MACROD2: variants seen among roughly 807,000 people sequenced by gnomAD.
The protein encoded by MACROD2 is mono-ADP ribosylhydrolase 2, also known as ADP-ribose glycohydrolase MACROD2.
In MACROD2, 36 loss-of-function variants were observed where a neutral mutation model predicts 70.4. The ratio of observed to expected loss-of-function variants is 0.51; its 90% CI spans 0.39 to 0.68. MACROD2 has a LOEUF of 0.68. MACROD2 is among the 30% of genes least tolerant of loss of function. MACROD2 has a pLI of 0.00. For synonymous variants in MACROD2, 172 were observed against 178.8 expected, an observed-to-expected ratio of 0.96 and a Z score of 0.30; for missense variants, 496 against 538.4, an observed-to-expected ratio of 0.92 and a Z score of 0.78.
At chr20:14,871,091 A>G (rs938575094) in intron 5 of MACROD2, among the ~76,000 whole-genome samples, 5 of 152,168 alleles carry the variant, frequency 3.3e-5, no homozygotes, top group South Asian at 4.1e-4. Context: ...CTTGGAAAAC[A>G]TATTTCAATA....
intron 3 of MACROD2, among the ~76,000 whole-genome samples, chr20:14,484,901 C>A (rs2123082133): frequency 6.6e-6 from 1 of 152,302 alleles, no homozygotes; most frequent in South Asian, 2.1e-4. Flanking sequence ...GCAACAAATA[C>A]AAAAGTGCAG....
chr20:15,307,582 T>C (rs2146140005), intron 6 of MACROD2, among the ~76,000 whole-genome samples: 1 of 152,260 alleles, frequency 6.6e-6, no homozygotes, highest in East Asian at 1.9e-4. Context: ...ATGAACATAA[T>C]GCCCTTTACC....
At chr20:15,432,927 G>C (rs1407214775) in intron 7 of MACROD2, among the ~76,000 whole-genome samples, 1 of 151,860 alleles carries the variant, frequency 6.6e-6, no homozygotes, top group Admixed American at 6.6e-5. Context: ...AAGGAAAATA[G>C]GGAAGGACCA....
At position 16,031,854 on chromosome 20, in the gene MACROD2, A is replaced by G. The variant is rs932921560; in HGVS notation, c.1154-9347A>G. 7.9e-5 allele frequency among the ~76,000 whole-genome samples: 12 copies of G among 152,280 alleles called. No individual in the cohort carries two copies. The East Asian group carries it at 1.2e-3, about 15-fold the overall frequency. On this transcript the variant is annotated intron_variant, in intron 15 of 17. Transcript: ENST00000684519. Reference sequence around the variant, plus strand: ...AAAGTATCATCTATATTTTAAGTAAATGAAAACTGAGATGAGAGAGGGTAT... The same window carrying G: ...AAAGTATCATCTATATTTTAAGTAAGTGAAAACTGAGATGAGAGAGGGTAT...
At chr20:15,912,872 T>C (rs2065257038) in intron 10 of MACROD2, among the ~76,000 whole-genome samples, 1 of 152,222 alleles carries the variant, frequency 6.6e-6, no homozygotes, top group Non-Finnish European at 1.5e-5. Flanking sequence ...ACAATGAGTA[T>C]TCTCATAGAG....
At chr20:14,460,895 G>A (rs962589972) in intron 3 of MACROD2, among the ~76,000 whole-genome samples, 5 of 151,916 alleles carry the variant, frequency 3.3e-5, no homozygotes, top group African/African-American at 1.2e-4. Flanking sequence ...TCATTGTTGT[G>A]TCTCTGCCAG....
intron 8 of MACROD2, among the ~76,000 whole-genome samples, chr20:15,775,374 A>T (rs1467038038): frequency 6.6e-6 from 1 of 152,114 alleles, no homozygotes; most frequent in Non-Finnish European, 1.5e-5. Context: ...GTGTTCTCTT[A>T]TCAGCCAAAA....
intron 3 of MACROD2, among the ~76,000 whole-genome samples, chr20:14,342,863 A>T (rs1244906637): frequency 6.6e-6 from 1 of 151,910 alleles, no homozygotes; most frequent in African/African-American, 2.4e-5. Flanking sequence ...CAGAGTGGTT[A>T]TTTCCCTGCC....
At chr20:14,231,831 T>C (rs1475621139) in intron 3 of MACROD2, among the ~76,000 whole-genome samples, 3 of 152,214 alleles carry the variant, frequency 2.0e-5, no homozygotes, top group African/African-American at 7.2e-5. Context: ...TGATTGCCAT[T>C]CTAACTGGTG....
At chr20:14,153,720 A>G (rs1178425567) in intron 3 of MACROD2, among the ~76,000 whole-genome samples, 2 of 152,342 alleles carry the variant, frequency 1.3e-5, no homozygotes, top group East Asian at 1.9e-4. Flanking sequence ...AGCGAAAATA[A>G]TCATATTAAG....
intron 8 of MACROD2, among the ~76,000 whole-genome samples, chr20:15,580,663 G>A (rs2048511091): frequency 6.6e-6 from 1 of 152,160 alleles, no homozygotes; most frequent in Admixed American, 6.5e-5. Flanking sequence ...TTTACCCTCT[G>A]AAGGTTTGCT....
At chr20:15,995,649 C>T (rs868828336) in intron 15 of MACROD2, among the ~76,000 whole-genome samples, 4 of 85,496 alleles carry the variant, frequency 4.7e-5, no homozygotes, top group Admixed American at 1.3e-4. Context: ...TATGCCCGGC[C>T]TTTTTTTTTT....
At chr20:15,374,102 C>T (rs999259870) in intron 6 of MACROD2, among the ~76,000 whole-genome samples, 2 of 151,958 alleles carry the variant, frequency 1.3e-5, no homozygotes, top group African/African-American at 2.4e-5. Flanking sequence ...TTTTGAAACT[C>T]ATGGAAGACT....
intron 13 of MACROD2, among the ~76,000 whole-genome samples, chr20:15,969,057 T>C (rs562604693): frequency 1.7e-3 from 260 of 151,940 alleles, no homozygotes; most frequent in Non-Finnish European, 2.5e-3. Flanking sequence ...CGATAAACTC[T>C]CTGTTTTGGG....
At position 15,772,232 on chromosome 20, in the gene MACROD2, T is replaced by C. The variant is rs183100798; in HGVS notation, c.646-90513T>C. Among the ~76,000 whole-genome samples the C allele has an allele frequency of 2.1e-3, 251 of 121,198 alleles. 2 individuals carry two copies. The highest frequency in any genetic ancestry group is 0.019 in the Admixed American group (233 of 11,968). 79.5% of individuals were successfully genotyped at this position (121,198 alleles called of 152,430 possible). On this transcript the variant is annotated intron_variant, in intron 8 of 17. Coordinates refer to ENST00000684519, the MANE Select transcript of MACROD2 (RefSeq NM_001351661.2). The stretch of plus-strand genomic sequence containing the variant: ...CCTTGTGTAGATCTTTCCTAAAAAC[T>C]AAGGACTGTGTACCTATGATGTTAC...
intron 3 of MACROD2, among the ~76,000 whole-genome samples, chr20:14,398,756 C>T (rs1281707817): frequency 6.6e-6 from 1 of 151,968 alleles, no homozygotes; most frequent in African/African-American, 2.4e-5. Flanking sequence ...TGTTAATAGT[C>T]AATTATCTTT....
At chr20:14,155,564 C>T (rs2055091384) in intron 3 of MACROD2, among the ~76,000 whole-genome samples, 1 of 152,116 alleles carries the variant, frequency 6.6e-6, no homozygotes, top group African/African-American at 2.4e-5. Flanking sequence ...TCAGCTTTCA[C>T]CTAATTCAAC....
At chr20:14,147,179 T>C (rs2054953540) in intron 3 of MACROD2, among the ~76,000 whole-genome samples, 1 of 152,172 alleles carries the variant, frequency 6.6e-6, no homozygotes, top group African/African-American at 2.4e-5. Context: ...GCTGTAGATA[T>C]TGCTTCTTTT....
At chr20:13,998,041 T>C (rs978955213) in intron 1 of MACROD2, among the ~76,000 whole-genome samples, 1 of 152,196 alleles carries the variant, frequency 6.6e-6, no homozygotes, top group African/African-American at 2.4e-5. Flanking sequence ...AGGCATTCTA[T>C]AAACATATTT....
Sources: gnomAD v4.1 joint callset for allele counts (sites outside exome capture counted in the v4.1 genomes callset) on GRCh38, gnomAD v4.1.1 for gene constraint, MANE v1.5 for transcripts, NCBI Gene and HGNC (gene_info 2026-07-23, HGNC 2026-07-21) for gene names.